PKP1: variants seen among roughly 807,000 people sequenced by gnomAD.
The protein encoded by PKP1 is plakophilin 1.
In PKP1, 27 loss-of-function variants were observed where a neutral mutation model predicts 76.4. The ratio of observed to expected loss-of-function variants is 0.35; its 90% CI spans 0.26 to 0.49. PKP1 has a LOEUF of 0.49. PKP1 is among the 20% of genes least tolerant of loss of function. The pLI, the probability that PKP1 is intolerant of heterozygous loss-of-function variation, is 0.99. For synonymous variants in PKP1, 404 were observed against 384.2 expected (o/e 1.05, Z -0.60); for missense variants, 964 against 955.2 (o/e 1.01, Z -0.12).
intron 12 of PKP1, among the ~76,000 whole-genome samples, chr1:201,326,221 A>G (rs944779773): frequency 2.6e-5 from 4 of 152,228 alleles, no homozygotes; most frequent in African/African-American, 9.6e-5. Context: ...CTAATGTCAA[A>G]CTGAAGAGCT....
chr1:201,316,133 C>CGGAT (rs796948449), intron 3 of PKP1: 4,610 of 92,918 alleles, frequency 0.05, 230 homozygotes, highest in African/African-American at 0.099. Flanking sequence ...GACGGACGGA[C>CGGAT]GGACGGATGG....
At chr1:201,293,548 C>T (rs1251693378) in intron 1 of PKP1, among the ~76,000 whole-genome samples, 1 of 152,168 alleles carries the variant, frequency 6.6e-6, no homozygotes, top group African/African-American at 2.4e-5. Context: ...GGAATCCTGC[C>T]TGTCTCCCCT....
chr1:201,287,960 G>T (rs537503813), intron 1 of PKP1, among the ~76,000 whole-genome samples: 5 of 152,242 alleles, frequency 3.3e-5, no homozygotes, highest in African/African-American at 1.2e-4. Context: ...ACACACATAG[G>T]TCACACATGC....
chr1:201,313,490 G>C lies in PKP1; in HGVS notation c.631G>C (p.Asp211His). 1 of 1,613,944 alleles carries C rather than the reference G, an allele frequency of 6.2e-7. No individual in the cohort carries two copies. The highest frequency in any genetic ancestry group is 1.6e-4 in the Middle Eastern group (1 of 6,062). ...CCCGCCCTCTTGTGCCTCCAAGCAG[G>C]ACCCTGTGTATATCCCGCCCATCTC... ...VRPPSCASKQ[D>H]PVYIPPISCN... Residue 211 changes from aspartate to histidine, a missense_variant, in exon 3 of 14, where the codon GAC becomes CAC. Physicochemically the swap from Asp to His is moderately conservative, Grantham distance 81 (BLOSUM62 -1). Coordinates refer to ENST00000367324, the MANE Select transcript of PKP1 (RefSeq NM_001005337.3).
rs760122260 is a variant in PKP1, at chr1:201,283,717, G to C, written c.15G>C (p.Pro5=). Residue 5 remains proline, a synonymous_variant, in exon 1 of 14, where the codon CCG becomes CCC. Coordinates refer to ENST00000367324, the MANE Select transcript of PKP1 (RefSeq NM_001005337.3). ...CTCCCGCCACCATGAACCACTCGCCGCTCAAGACCGCCTTGGCGTACGAAT... is the reference window on the plus strand; with the variant it reads ...CTCCCGCCACCATGAACCACTCGCCCCTCAAGACCGCCTTGGCGTACGAAT... The part of the protein sequence containing the change: MNHS[P]LKTALAYECF... 6.2e-7 allele frequency: 1 copy of C among 1,613,730 alleles called. No individual in the cohort carries two copies. The highest frequency in any genetic ancestry group is 8.5e-7 in the Non-Finnish European group (1 of 1,179,772).
chr1:201,303,972 A>G (rs1427489119), intron 2 of PKP1, among the ~76,000 whole-genome samples: 1 of 152,110 alleles, frequency 6.6e-6, no homozygotes, highest in Admixed American at 6.5e-5. Context: ...CACTTTTTTA[A>G]CTGGCACATT....
intron 7 of PKP1, among the ~76,000 whole-genome samples, chr1:201,320,749 C>G (rs553166771): frequency 1.1e-4 from 16 of 152,298 alleles, no homozygotes; most frequent in African/African-American, 3.4e-4. Context: ...AAGCTCCCAG[C>G]GAGCATCTGC....
chr1:201,301,640 T>C (rs1571546153), intron 2 of PKP1, among the ~76,000 whole-genome samples: 1 of 152,206 alleles, frequency 6.6e-6, no homozygotes, highest in South Asian at 2.1e-4. Context: ...TCCCCTAATA[T>C]GAAACTTTAG....
chr1:201,323,608 G>A (rs968156001), intron 9 of PKP1, among the ~76,000 whole-genome samples: 9 of 152,236 alleles, frequency 5.9e-5, no homozygotes, highest in African/African-American at 2.2e-4. Context: ...CAGAATCCGT[G>A]CAGATGTTGA....
At chr1:201,307,110 G>A (rs1656393897) in intron 2 of PKP1, among the ~76,000 whole-genome samples, 1 of 151,572 alleles carries the variant, frequency 6.6e-6, no homozygotes, top group Non-Finnish European at 1.5e-5. Context: ...GTACCTTCTG[G>A]AGTTCTCACC....
rs774378117 is a variant in PKP1, at chr1:201,324,409, T to C, written c.1681-19T>C. ...TGGGAAGCCACAGGCTAGCTCATCA[T>C]CTACTCCTTCTCTCTTAGATGTCCA... On this transcript the variant is annotated intron_variant, in intron 9 of 13. Coordinates refer to ENST00000367324, the MANE Select transcript of PKP1 (RefSeq NM_001005337.3). 1.9e-6 allele frequency: 3 copies of C among 1,614,056 alleles called. No homozygotes were observed. Among genetic ancestry groups the C allele is most frequent in the Non-Finnish European group, 2.5e-6 (3 of 1,179,980 alleles).
At chr1:201,313,859 C>G (rs1219399063) in intron 3 of PKP1, among the ~76,000 whole-genome samples, 1 of 152,172 alleles carries the variant, frequency 6.6e-6, no homozygotes, top group East Asian at 1.9e-4. Flanking sequence ...TTCCTCCAAC[C>G]AGCAACATCA....
chr1:201,313,853 T>C (rs1193153013), intron 3 of PKP1, among the ~76,000 whole-genome samples: 1 of 152,190 alleles, frequency 6.6e-6, no homozygotes, highest in Non-Finnish European at 1.5e-5. Flanking sequence ...AGTGTGTTCC[T>C]CCAACCAGCA....
intron 11 of PKP1, 117 bp from the exon 12 acceptor site, chr1:201,325,637 C>G (rs1347694637): frequency 1.3e-6 from 1 of 790,480 alleles, no homozygotes; most frequent in East Asian, 2.6e-5. Context: ...ACACCTGAGG[C>G]CTCCTCTGAG....
At chr1:201,285,159 A>G (rs1461696763) in intron 1 of PKP1, among the ~76,000 whole-genome samples, 1 of 151,896 alleles carries the variant, frequency 6.6e-6, no homozygotes, top group African/African-American at 2.4e-5. Flanking sequence ...CTTAGGAGAG[A>G]GTGAGGGGCA....
At chr1:201,297,626 G>C (rs765306046) in intron 2 of PKP1, among the ~76,000 whole-genome samples, 11 of 152,224 alleles carry the variant, frequency 7.2e-5, no homozygotes, top group Non-Finnish European at 1.5e-4. Context: ...AGTGGAGTTT[G>C]TTTTCATTAC....
intron 10 of PKP1, 73 bp downstream of exon 10, chr1:201,324,654 G>A (rs1657054498): frequency 3.9e-6 from 6 of 1,555,960 alleles, no homozygotes; most frequent in Admixed American, 3.4e-5. Context: ...CTGCTTGAAG[G>A]TCATCCTTTA....
At chr1:201,295,570 C>A (rs916051187) in intron 2 of PKP1, among the ~76,000 whole-genome samples, 1 of 152,174 alleles carries the variant, frequency 6.6e-6, no homozygotes, top group Admixed American at 6.5e-5. Flanking sequence ...CACCAGCAGC[C>A]GGAATGGATG....
In PKP1 at chr1:201,313,382, A is replaced by G. The variant is rs750915178; in HGVS notation, c.523A>G (p.Lys175Glu). 1.3e-5 allele frequency: 21 copies of G among 1,581,864 alleles called. No individual in the cohort carries two copies. The highest frequency in any genetic ancestry group is 1.8e-5 in the Admixed American group (1 of 54,260). ...CCTGCGCAAGGGCACGCTGGGCAGC[A>G]AGGGCCAGAAGACCACCCAGAACCG... is the stretch of plus-strand genomic sequence containing the variant. ...GTLRKGTLGS[K>E]GQKTTQNRYS... Residue 175 changes from lysine to glutamate, a missense_variant, in exon 3 of 14, where the codon AAG becomes GAG. By Grantham distance (56) the Lys-to-Glu change is moderately conservative. Transcript: ENST00000367324.
Sources: allele counts gnomAD v4.1 joint callset (sites outside exome capture counted in the v4.1 genomes callset), GRCh38; gene constraint gnomAD v4.1.1; transcripts MANE v1.5; gene names NCBI Gene and HGNC (gene_info 2026-07-23, HGNC 2026-07-21).